Variants in ZMYM2 observed in about 807,000 individuals in gnomAD.
ZMYM2 encodes zinc finger MYM-type protein 2.
Under a neutral mutation model 162.8 loss-of-function variants are expected in ZMYM2, and 56 were observed. The observed-to-expected ratio is 0.34, with a 90% CI of 0.28 to 0.43. The LOEUF (loss-of-function observed/expected upper bound fraction) is 0.43. Among genes scored for constraint, ZMYM2 ranks in the 20% least tolerant of loss-of-function variants. ZMYM2 has a pLI of 1.00. For synonymous variants in ZMYM2, 510 were observed against 541.6 expected (o/e 0.94, Z 0.81); for missense variants, 1,275 against 1,621.8 (o/e 0.79, Z 3.67).
chr13:20,032,856 G>C (rs992671727), intron 10 of ZMYM2, among the ~76,000 whole-genome samples: 1 of 151,914 alleles, frequency 6.6e-6, no homozygotes, highest in African/African-American at 2.4e-5. Context: ...CAATCCGCCC[G>C]CCTCAGCCTC....
chr13:20,002,212 T>C (rs557670203), intron 3 of ZMYM2, among the ~76,000 whole-genome samples: 100 of 152,324 alleles, frequency 6.6e-4, no homozygotes, highest in African/African-American at 2.3e-3. Flanking sequence ...AAGGTTCTAG[T>C]TAGGATTTTA....
chr13:19,916,274 T>G, the ZMYM2 span, among the ~76,000 whole-genome samples: 161 of 152,192 alleles, frequency 1.1e-3, no homozygotes, highest in African/African-American at 3.8e-3. Context: ...GGAGTGTAAA[T>G]TAGTTCAACC....
At chr13:20,004,001 G>T (rs1950568801) in intron 4 of ZMYM2, among the ~76,000 whole-genome samples, 1 of 152,090 alleles carries the variant, frequency 6.6e-6, no homozygotes. Context: ...GCTGGAATAT[G>T]GTATGTTATA....
At chr13:20,063,700 C>T (rs1956405009) in intron 18 of ZMYM2, among the ~76,000 whole-genome samples, 2 of 149,908 alleles carry the variant, frequency 1.3e-5, no homozygotes, top group African/African-American at 4.9e-5. Flanking sequence ...ATTGCTTGAA[C>T]TCAGGAGGCG....
intron 19 of ZMYM2, among the ~76,000 whole-genome samples, chr13:20,065,799 CT>C (rs1362686254): frequency 6.6e-6 from 1 of 152,126 alleles, no homozygotes; most frequent in Non-Finnish European, 1.5e-5. Context: ...AGCATGGATA[CT>C]TACCTGGCAG....
At chr13:19,947,779 C>T in the ZMYM2 span, among the ~76,000 whole-genome samples, 1 of 152,074 alleles carries the variant, frequency 6.6e-6, no homozygotes, top group Non-Finnish European at 1.5e-5. Flanking sequence ...CAGGTGTGAG[C>T]CACTGCGCCC....
At chr13:19,957,885 C>G (rs376456641), upstream of ZMYM2, among the ~76,000 whole-genome samples, 174 of 152,320 alleles carry the variant, frequency 1.1e-3, 1 homozygote, top group Middle Eastern at 0.017. Flanking sequence ...CCGTCGTGCC[C>G]GTCCCCTGTG....
intron 3 of ZMYM2, among the ~76,000 whole-genome samples, chr13:19,995,328 A>C (rs1203306074): frequency 1.3e-5 from 2 of 152,182 alleles, no homozygotes; most frequent in Admixed American, 1.3e-4. Flanking sequence ...ACGTATCTTT[A>C]GCTTTTAGTT....
the ZMYM2 span, among the ~76,000 whole-genome samples, chr13:19,895,076 CAA>C: frequency 0.065 from 5,468 of 83,714 alleles, 151 homozygotes; most frequent in Middle Eastern, 0.17. Flanking sequence ...AACTCCATCT[CAA>C]AAAAAAAAAA....
At chr13:19,902,767 C>T in the ZMYM2 span, among the ~76,000 whole-genome samples, 1 of 152,142 alleles carries the variant, frequency 6.6e-6, no homozygotes, top group Non-Finnish European at 1.5e-5. Flanking sequence ...AATCCCAGCA[C>T]TTTGGGAGGC....
chr13:19,984,571 ATAGT>A (rs913678152), intron 2 of ZMYM2, among the ~76,000 whole-genome samples: 1 of 152,242 alleles, frequency 6.6e-6, no homozygotes, highest in Non-Finnish European at 1.5e-5. Context: ...TTAGTCTTAA[ATAGT>A]TAGAATTGAC....
chr13:19,865,750 C>T, the ZMYM2 span, among the ~76,000 whole-genome samples: 4 of 152,120 alleles, frequency 2.6e-5, no homozygotes, highest in Non-Finnish European at 5.9e-5. Flanking sequence ...AGGTTCATGT[C>T]CCAATGAAAA....
chr13:19,934,688 C>T, the ZMYM2 span, among the ~76,000 whole-genome samples: 1 of 151,880 alleles, frequency 6.6e-6, no homozygotes, highest in Admixed American at 6.6e-5. Flanking sequence ...TCAAATGACT[C>T]TTATTAGAAT....
rs772641526 is a variant in ZMYM2 at position 20,058,838 on chromosome 13, C to T, written c.2623+134C>T. On this transcript the variant is annotated intron_variant, in intron 15 of 24. Transcript: ENST00000610343. ...TGTCATTTTCTGTTGATTTTGCTTA[C>T]GTAATTTTAGATATTACCTGGAGAA... 294 of 1,248,878 alleles carry T rather than the reference C, an allele frequency of 2.4e-4. 3 individuals are homozygous for T. Among genetic ancestry groups the T allele is most frequent in the Non-Finnish European group, 7.6e-5 (66 of 862,810 alleles). The allele number at this position is 1,248,878 out of a possible 1,614,324, so 77.4% of individuals were successfully genotyped here. A position where few individuals can be genotyped will look rare whatever the true frequency, so the allele number is the denominator to read the frequency against.
intron 6 of ZMYM2, among the ~76,000 whole-genome samples, chr13:20,014,863 C>G (rs889350826): frequency 1.4e-5 from 2 of 146,372 alleles, no homozygotes; most frequent in Non-Finnish European, 3.0e-5. Flanking sequence ...CTCCCAGGTT[C>G]AAGCGATTAT....
Position 20,063,107 on chromosome 13 carries a change from T to A in ZMYM2, c.3037+136T>A, listed in dbSNP as rs542068314. ...ATTCTTGTTATTTTTTAAACTCACC[T>A]TAAGAGTTAACTTCATATTTTGTTG... On this transcript the variant is annotated intron_variant, in intron 18 of 24. Transcript: ENST00000610343. The A allele has an allele frequency of 5.8e-5, 65 of 1,115,566 alleles. 1 individual carries two copies. The East Asian group carries it at 1.8e-3, about 31-fold the overall frequency. 69.1% of individuals were successfully genotyped at this position (1,115,566 alleles called of 1,614,324 possible).
intron 9 of ZMYM2, among the ~76,000 whole-genome samples, chr13:20,030,588 C>T (rs1260049466): frequency 2.0e-5 from 3 of 152,042 alleles, no homozygotes; most frequent in African/African-American, 4.8e-5. Flanking sequence ...TTAGTAGAGA[C>T]GGGGTTTTAC....
intron 2 of ZMYM2, among the ~76,000 whole-genome samples, chr13:19,963,871 A>G (rs1034956183): frequency 6.6e-6 from 1 of 152,242 alleles, no homozygotes; most frequent in South Asian, 2.1e-4. Context: ...AGAGGTTAGC[A>G]AAATCACTTG....
intron 3 of ZMYM2, among the ~76,000 whole-genome samples, chr13:20,000,460 G>A (rs1950312016): frequency 6.6e-6 from 1 of 152,166 alleles, no homozygotes; most frequent in African/African-American, 2.4e-5. Context: ...CTTGTTAGAG[G>A]TTAATATACT....
Sources: allele counts gnomAD v4.1 joint callset (sites outside exome capture counted in the v4.1 genomes callset), GRCh38; gene constraint gnomAD v4.1.1; transcripts MANE v1.5; gene names NCBI Gene and HGNC (gene_info 2026-07-23, HGNC 2026-07-21).